Variants in ORC2 observed in about 807,000 individuals in gnomAD.
The protein encoded by ORC2 is origin recognition complex protein 2 homolog.
In ORC2, 37 loss-of-function variants were observed where a neutral mutation model predicts 77.7. The ratio of observed to expected loss-of-function variants is 0.48; its 90% CI spans 0.37 to 0.63. The LOEUF is 0.63. Ranked by LOEUF, ORC2 falls within the 20% of genes least tolerant of loss-of-function variation. The probability of loss-of-function intolerance (pLI) is 0.00; values close to 1 mark genes in which losing one functional copy is unlikely to be tolerated. For missense variants in ORC2, 557 were observed against 661.9 expected, an observed-to-expected ratio of 0.84 and a Z score of 1.74; for synonymous variants, 201 against 229.5, an observed-to-expected ratio of 0.88 and a Z score of 1.12.
rs139577800 is a variant in ORC2 at position 200,941,267 on chromosome 2, G to A, written c.434C>T (p.Ser145Leu). 2 of 1,609,962 alleles carry A rather than the reference G, an allele frequency of 1.2e-6. No homozygotes were observed. Among genetic ancestry groups the A allele is most frequent in the Middle Eastern group, 1.7e-4 (1 of 6,052 alleles). ...VPQSSKGHSA[S>L]DKVQPKNNDK... ...GCTTACCTTCGGTTGAACCTTGTCT[G>A]AAGCAGAATGGCCTAAAGAATGAAA... is the stretch of plus-strand genomic sequence containing the variant. Residue 145 changes from serine to leucine, a missense_variant, in exon 7 of 18, where the codon TCA becomes TTA. By Grantham distance (145) the Ser-to-Leu change is moderately radical. Coordinates refer to ENST00000234296, the MANE Select transcript of ORC2 (RefSeq NM_006190.5).
chr2:200,941,908 A>C (rs2041158460), intron 6 of ORC2, among the ~76,000 whole-genome samples: 1 of 151,754 alleles, frequency 6.6e-6, no homozygotes, highest in Non-Finnish European at 1.5e-5. Context: ...AATTGCTTGA[A>C]CCCAGAAGGC....
intron 7 of ORC2, among the ~76,000 whole-genome samples, chr2:200,940,297 G>C (rs1168401432): frequency 1.3e-5 from 2 of 152,216 alleles, no homozygotes; most frequent in East Asian, 3.9e-4. Context: ...CGTGGGTCTG[G>C]GGAGTAACAC....
At position 200,913,412 on chromosome 2, in the gene ORC2, G is replaced by A. The variant is rs760983379; in HGVS notation, c.1530C>T (p.Gly510=). 1.9e-6 allele frequency: 3 copies of A among 1,584,120 alleles called. No individual in the cohort carries two copies. The highest frequency in any genetic ancestry group is 1.7e-5 in the Admixed American group (1 of 58,926). ...GCTGGTAAAAATCTTGAAAAGAAAG[G>A]CCTGGCAAGTTCAAAAGGATATGAA... is the stretch of plus-strand genomic sequence containing the variant. ...LDNQDNPSYI[G]LSFQDFYQQC... Residue 510 remains glycine, a splice_region_variant and synonymous_variant, in exon 17 of 18, where the codon GGC becomes GGT. Coordinates refer to ENST00000234296, the MANE Select transcript of ORC2 (RefSeq NM_006190.5).
At chr2:200,934,107 A>T (rs563763181) in intron 9 of ORC2, 133 bp from the exon 10 acceptor site, 1 of 511,784 alleles carries the variant, frequency 2.0e-6, no homozygotes, top group Non-Finnish European at 3.5e-6. Context: ...TTAAAGCAAC[A>T]GTACCAGTTA....
At chr2:200,931,742 GAA>G (rs1383827525) in intron 10 of ORC2, among the ~76,000 whole-genome samples, 2 of 152,112 alleles carry the variant, frequency 1.3e-5, no homozygotes, top group Non-Finnish European at 2.9e-5. Flanking sequence ...TACTTTCTCA[GAA>G]AACATTAAAG....
At chr2:200,925,754 T>C (rs546115826) in intron 13 of ORC2, 82 bp downstream of exon 13, 2 of 498,452 alleles carry the variant, frequency 4.0e-6, no homozygotes, top group African/African-American at 2.0e-5. Context: ...AATAATAATA[T>C]TGTATGTATA....
intron 5 of ORC2, 170 bp from the exon 6 acceptor site, chr2:200,942,947 C>G (rs547141531): frequency 2.5e-6 from 1 of 404,632 alleles, no homozygotes; most frequent in African/African-American, 2.1e-5. Context: ...TAGCTGTCTT[C>G]CCAGAATCTT....
At chr2:200,949,045 C>T (rs894383967) in intron 5 of ORC2, among the ~76,000 whole-genome samples, 2 of 151,786 alleles carry the variant, frequency 1.3e-5, no homozygotes, top group African/African-American at 4.8e-5. Flanking sequence ...TTGAGACCAA[C>T]CTGGCCAACA....
chr2:200,944,475 G>A (rs974529980), intron 5 of ORC2, among the ~76,000 whole-genome samples: 3 of 152,058 alleles, frequency 2.0e-5, no homozygotes, highest in Non-Finnish European at 2.9e-5. Context: ...GCCCGGCTAA[G>A]ATAGTCATTT....
chr2:200,920,907 CA>C (rs2040745150), intron 14 of ORC2, 85 bp downstream of exon 14: 1 of 952,084 alleles, frequency 1.1e-6, no homozygotes, highest in South Asian at 3.8e-5. Context: ...GTACTAAAAA[CA>C]GTAAAAATTT....
intron 4 of ORC2, among the ~76,000 whole-genome samples, chr2:200,954,192 C>T (rs2041420889): frequency 6.6e-6 from 1 of 152,038 alleles, no homozygotes; most frequent in African/African-American, 2.4e-5. Flanking sequence ...ACCACCACGC[C>T]CAGCTAATTT....
At chr2:200,919,359 ATTTC>A (rs780237647) in intron 15 of ORC2, among the ~76,000 whole-genome samples, 1 of 151,816 alleles carries the variant, frequency 6.6e-6, no homozygotes, top group Non-Finnish European at 1.5e-5. Flanking sequence ...TAATTATGCA[ATTTC>A]TTTATTATTT....
chr2:200,939,294 T>TTA (rs2041105433), intron 7 of ORC2, among the ~76,000 whole-genome samples: 1 of 152,104 alleles, frequency 6.6e-6, no homozygotes, highest in Non-Finnish European at 1.5e-5. Flanking sequence ...TTGAGATAAC[T>TTA]TATATATATC....
intron 10 of ORC2, among the ~76,000 whole-genome samples, chr2:200,933,226 A>ATTT (rs1196387811): frequency 1.5e-5 from 2 of 132,116 alleles, no homozygotes; most frequent in Non-Finnish European, 3.3e-5. Context: ...ACTGTATGGT[A>ATTT]TTTTTTTTTT....
intron 2 of ORC2, among the ~76,000 whole-genome samples, chr2:200,958,759 C>T (rs2041518611): frequency 6.6e-6 from 1 of 152,200 alleles, no homozygotes; most frequent in African/African-American, 2.4e-5. Context: ...CTCAGTTCCT[C>T]ACTGAACAAA....
Position 200,951,101 on chromosome 2 carries a change from T to C in ORC2, c.239-1458A>G, listed in dbSNP as rs13391742. On this transcript the variant is annotated intron_variant, in intron 4 of 17. Transcript: ENST00000234296. ...CAGTTTTGCATTTTCCAGAATGTCA[T>C]ATAGTTGGAATCATACAGTATGTAG... Among the ~76,000 whole-genome samples, 975 of 152,326 alleles carry C rather than the reference T, an allele frequency of 6.4e-3. 13 individuals are homozygous for C. Among genetic ancestry groups the C allele is most frequent in the African/African-American group, 0.022 (926 of 41,564 alleles).
chr2:200,946,914 G>GT (rs1331424197), intron 5 of ORC2, among the ~76,000 whole-genome samples: 3 of 152,068 alleles, frequency 2.0e-5, no homozygotes, highest in Non-Finnish European at 2.9e-5. Flanking sequence ...TTAATTTCTT[G>GT]TTTTTTCAGA....
intron 10 of ORC2, among the ~76,000 whole-genome samples, chr2:200,932,584 C>T (rs1006656799): frequency 2.0e-5 from 3 of 152,102 alleles, no homozygotes; most frequent in African/African-American, 4.8e-5. Flanking sequence ...GTGATCCTCC[C>T]GCCTTGGCCT....
intron 17 of ORC2, among the ~76,000 whole-genome samples, chr2:200,912,888 TC>T (rs2040575666): frequency 6.6e-6 from 1 of 152,196 alleles, no homozygotes; most frequent in Non-Finnish European, 1.5e-5. Flanking sequence ...AATGTCCATC[TC>T]CCCCATTAGA....
Sources: gnomAD v4.1 joint callset for allele counts (sites outside exome capture counted in the v4.1 genomes callset) on GRCh38, gnomAD v4.1.1 for gene constraint, MANE v1.5 for transcripts, NCBI Gene and HGNC (gene_info 2026-07-23, HGNC 2026-07-21) for gene names.